The following GASK1A variants were observed in gnomAD, a reference collection of about 807,000 sequenced individuals.
GASK1A encodes the protein golgi associated kinase 1A, also known as Golgi-associated kinase 1A.
In GASK1A, 40 loss-of-function variants were observed where a neutral mutation model predicts 41.2. The ratio of observed to expected loss-of-function variants is 0.97; its 90% CI spans 0.75 to 1.27. The LOEUF is 1.27. Ranked by LOEUF, GASK1A falls within the 50% of genes most tolerant of loss-of-function variation. The probability of loss-of-function intolerance (pLI) is 0.00; values close to 1 mark genes in which losing one functional copy is unlikely to be tolerated. For missense variants in GASK1A, 678 were observed against 745.1 expected (o/e 0.91, Z 1.05); for synonymous variants, 316 against 307.1 (o/e 1.03, Z -0.30).
In GASK1A at chr3:43,046,566, A is replaced by C. The variant is rs151235219; in HGVS notation, c.1291-6955A>C. On this transcript the variant is annotated intron_variant, in intron 2 of 4. Coordinates refer to ENST00000430121, the MANE Select transcript of GASK1A (RefSeq NM_001129908.3). ...GAGCATAAAAGTTTGGAAAATTTGC[A>C]TCCTGATGATGTGGTAGAAATGAAA... Among the ~76,000 whole-genome samples, 123 of 152,352 alleles carry C rather than the reference A, an allele frequency of 8.1e-4. No homozygotes were observed. In the East Asian group the frequency reaches 0.022, roughly 27 times the overall value.
intron 1 of GASK1A, among the ~76,000 whole-genome samples, chr3:42,987,841 A>G (rs1348420431): frequency 2.6e-5 from 4 of 151,806 alleles, no homozygotes; most frequent in African/African-American, 9.7e-5. Flanking sequence ...TCTACTGAAA[A>G]TACAAAAATT....
chr3:43,009,359 A>G (rs1325825136), intron 1 of GASK1A, among the ~76,000 whole-genome samples: 1 of 152,214 alleles, frequency 6.6e-6, no homozygotes, highest in African/African-American at 2.4e-5. Flanking sequence ...TCAGGTCTTT[A>G]AAATCCTTCT....
intron 1 of GASK1A, among the ~76,000 whole-genome samples, chr3:42,991,052 G>A (rs540088222): frequency 4.6e-5 from 7 of 152,304 alleles, no homozygotes; most frequent in South Asian, 2.1e-4. Flanking sequence ...TGGAAGCAGT[G>A]GGGGTGGGGG....
intron 1 of GASK1A, among the ~76,000 whole-genome samples, chr3:43,018,878 G>A (rs370347807): frequency 3.9e-5 from 6 of 152,150 alleles, no homozygotes; most frequent in East Asian, 3.9e-4. Context: ...GGGGCTTTAC[G>A]TGGCAGCTTC....
At chr3:43,021,080 G>A (rs2089520223) in intron 1 of GASK1A, among the ~76,000 whole-genome samples, 1 of 152,132 alleles carries the variant, frequency 6.6e-6, no homozygotes, top group Admixed American at 6.5e-5. Context: ...GGAGGCAATG[G>A]CAGGGAGTTT....
intron 1 of GASK1A, 84 bp from the exon 2 acceptor site, chr3:43,032,183 A>G: frequency 1.8e-6 from 2 of 1,120,612 alleles, no homozygotes; most frequent in Non-Finnish European, 2.5e-6. Context: ...TGAGCACCTC[A>G]TTTGCTTACC....
chr3:43,023,017 G>A (rs554409270), intron 1 of GASK1A, among the ~76,000 whole-genome samples: 1 of 152,316 alleles, frequency 6.6e-6, no homozygotes, highest in African/African-American at 2.4e-5. Flanking sequence ...ATTACCATGT[G>A]TAGTAGGCTG....
chr3:43,026,004 G>A (rs1256444656), intron 1 of GASK1A, among the ~76,000 whole-genome samples: 1 of 152,222 alleles, frequency 6.6e-6, no homozygotes. Context: ...GAGGAAGTGA[G>A]AAAGAGTGGA....
chr3:43,014,459 A>T (rs959831951), intron 1 of GASK1A, among the ~76,000 whole-genome samples: 1 of 148,206 alleles, frequency 6.7e-6, no homozygotes, highest in Non-Finnish European at 1.5e-5. Context: ...TCACAGGAAG[A>T]GGCAGTGTGA....
intron 2 of GASK1A, chr3:43,037,351 A>C (rs879645355): frequency 1.1e-6 from 1 of 921,240 alleles, no homozygotes; most frequent in Non-Finnish European, 1.8e-6. Flanking sequence ...AATGACTCTA[A>C]AATGTGCAAT....
rs1224686565 is a variant in GASK1A at position 42,979,561 on chromosome 3, C to T, written c.-82C>T. 4.1e-6 allele frequency: 5 copies of T among 1,232,650 alleles called. No homozygotes were observed. Among genetic ancestry groups the T allele is most frequent in the Middle Eastern group, 6.1e-4 (2 of 3,256 alleles). 76.4% of individuals were successfully genotyped at this position (1,232,650 alleles called of 1,614,324 possible). On this transcript the variant is annotated 5_prime_UTR_variant, in exon 1 of 5. Coordinates refer to ENST00000430121, the MANE Select transcript of GASK1A (RefSeq NM_001129908.3). ...CTGGGAAGCCTGGCGAGCCACGGCG[C>T]CGGGGGCGGCCAAGGGGAGGCGGGA... is the stretch of plus-strand genomic sequence containing the variant.
At chr3:43,056,007 C>T in intron 4 of GASK1A, 169 bp from the exon 5 acceptor site, 1 of 607,302 alleles carries the variant, frequency 1.6e-6, no homozygotes, top group East Asian at 2.8e-5. Flanking sequence ...GGCAAAGGGT[C>T]CTCTGTTAGT....
Position 43,033,205 on chromosome 3 carries a change from A to G in GASK1A, c.942A>G (p.Gln314=). 6.4e-7 allele frequency: 1 copy of G among 1,551,558 alleles called. No homozygotes were observed. The highest frequency in any genetic ancestry group is 2.4e-5 in the East Asian group (1 of 40,908). Residue 314 remains glutamine, a synonymous_variant, in exon 2 of 5, where the codon CAA becomes CAG. Coordinates refer to ENST00000430121, the MANE Select transcript of GASK1A (RefSeq NM_001129908.3). The stretch of plus-strand genomic sequence containing the variant: ...CCAGGCTCAGCCAACTCTGTTCCCA[A>G]GGGCTCTGTGGCCTGATCAAGAGGC... The part of the protein sequence containing the change: ...SSPRLSQLCS[Q]GLCGLIKRPG...
At chr3:43,048,902 C>T (rs1461802107) in intron 2 of GASK1A, among the ~76,000 whole-genome samples, 1 of 152,132 alleles carries the variant, frequency 6.6e-6, no homozygotes, top group Non-Finnish European at 1.5e-5. Flanking sequence ...TCAGGGGGCG[C>T]ATCACTTGGA....
intron 1 of GASK1A, among the ~76,000 whole-genome samples, chr3:42,981,701 G>A (rs1053942231): frequency 2.0e-5 from 3 of 152,190 alleles, no homozygotes; most frequent in African/African-American, 4.8e-5. Context: ...CTGAGAGAAC[G>A]GGAGAAAGCT....
At chr3:43,049,610 T>C (rs1232903366) in intron 2 of GASK1A, among the ~76,000 whole-genome samples, 2 of 150,664 alleles carry the variant, frequency 1.3e-5, no homozygotes, top group South Asian at 2.1e-4. Context: ...TTGTTTTTTT[T>C]ACTAGAATCA....
intron 1 of GASK1A, among the ~76,000 whole-genome samples, chr3:43,015,472 GA>G: frequency 6.6e-6 from 1 of 151,892 alleles, no homozygotes; most frequent in Admixed American, 6.5e-5. Flanking sequence ...GAAGTCACAG[GA>G]AGGGGCAGTG....
At position 43,032,820 on chromosome 3, in the gene GASK1A, G is replaced by A. The variant is rs2089584498; in HGVS notation, c.557G>A (p.Arg186Lys). The A allele has an allele frequency of 1.3e-6, 2 of 1,549,046 alleles. No individual in the cohort carries two copies. Among genetic ancestry groups the A allele is most frequent in the African/African-American group, 2.7e-5 (2 of 73,036 alleles). Residue 186 changes from arginine to lysine, a missense_variant, in exon 2 of 5, where the codon AGA becomes AAA. Coordinates refer to ENST00000430121, the MANE Select transcript of GASK1A (RefSeq NM_001129908.3). ...GACATGGCAGCTTTACCGGCTTGGA[G>A]AGCTACTTCTGGGCTGACACTCTGG... Reference protein sequence around the residue: ...GSDMAALPAWRATSGLTLWPH... With the variant: ...GSDMAALPAWKATSGLTLWPH...
intron 1 of GASK1A, among the ~76,000 whole-genome samples, chr3:43,028,011 C>T (rs1417010645): frequency 2.0e-5 from 3 of 152,102 alleles, no homozygotes; most frequent in African/African-American, 7.2e-5. Flanking sequence ...GCAGGGGTTC[C>T]TGGGTCATAG....
Sources: allele counts gnomAD v4.1 joint callset (sites outside exome capture counted in the v4.1 genomes callset), GRCh38; gene constraint gnomAD v4.1.1; transcripts MANE v1.5; gene names NCBI Gene and HGNC (gene_info 2026-07-23, HGNC 2026-07-21).